Variants in COL13A1 observed in about 807,000 individuals in gnomAD.
COL13A1 encodes the protein collagen alpha-1(XIII) chain.
In COL13A1, 89 loss-of-function variants were observed where a neutral mutation model predicts 130.9. The ratio of observed to expected loss-of-function variants is 0.68; its 90% CI spans 0.57 to 0.81. The LOEUF is 0.81. Among genes scored for constraint, COL13A1 ranks in the 30% least tolerant of loss-of-function variants. The pLI is 0.00. For missense variants in COL13A1, 879 were observed against 934.6 expected (o/e 0.94, Z 0.78); for synonymous variants, 402 against 341.6 (o/e 1.18, Z -1.95).
intron 2 of COL13A1, among the ~76,000 whole-genome samples, chr10:69,837,807 GAGA>G (rs1202289260): frequency 1.4e-5 from 1 of 73,634 alleles, no homozygotes; most frequent in African/African-American, 4.1e-5. Context: ...AATAAACGCA[GAGA>G]AGAAGACAGA....
At chr10:69,897,543 C>T (rs1178746189) in intron 13 of COL13A1, 2 of 1,613,770 alleles carry the variant, frequency 1.2e-6, no homozygotes, top group Admixed American at 1.7e-5. Flanking sequence ...TTTGTAGGTT[C>T]TGGAAGGTCT....
chr10:69,833,655 A>G (rs1476376330), intron 2 of COL13A1, among the ~76,000 whole-genome samples: 1 of 152,250 alleles, frequency 6.6e-6, no homozygotes, highest in Non-Finnish European at 1.5e-5. Flanking sequence ...CCTGAATGGC[A>G]AGTAAGATTT....
In COL13A1 at chr10:69,880,135, G is replaced by A. The variant is rs180807724; in HGVS notation, c.463-368G>A. Among the ~76,000 whole-genome samples the A allele has an allele frequency of 1.4e-3, 217 of 152,076 alleles. 1 individual carries two copies. The highest frequency in any genetic ancestry group is 2.4e-3 in the Non-Finnish European group (162 of 67,978). ...CTCTCCCTGTGTCTCCCTGTTTCCC[G>A]CCACTCCAATGGATCCTGTTCTTCT... On this transcript the variant is annotated intron_variant, in intron 6 of 40. Transcript: ENST00000645393.
At chr10:69,925,096 G>A (rs1003158088) in intron 25 of COL13A1, 89 bp downstream of exon 25, 24 of 1,351,310 alleles carry the variant, frequency 1.8e-5, no homozygotes, top group Non-Finnish European at 2.3e-5. Context: ...ATATTTAGAA[G>A]TTTATTTTGC....
At chr10:69,881,724 C>T (rs914561268) in intron 7 of COL13A1, among the ~76,000 whole-genome samples, 5 of 152,298 alleles carry the variant, frequency 3.3e-5, no homozygotes, top group Non-Finnish European at 5.9e-5. Flanking sequence ...ATAATGACCA[C>T]GCTTAACACT....
At chr10:69,958,477 GACCAC>G (rs1321124369) in intron 40 of COL13A1, among the ~76,000 whole-genome samples, 1 of 152,166 alleles carries the variant, frequency 6.6e-6, no homozygotes, top group Non-Finnish European at 1.5e-5. Flanking sequence ...GCCCTCTAGT[GACCAC>G]AAAGGGGATT....
At chr10:69,951,752 G>A (rs556785186) in intron 38 of COL13A1, among the ~76,000 whole-genome samples, 2 of 152,256 alleles carry the variant, frequency 1.3e-5, no homozygotes, top group South Asian at 2.1e-4. Flanking sequence ...ACAAAGTCAC[G>A]CAGCTAACTG....
chr10:69,899,328 A>G (rs1399478572), intron 14 of COL13A1, among the ~76,000 whole-genome samples: 1 of 152,252 alleles, frequency 6.6e-6, no homozygotes, highest in African/African-American at 2.4e-5. Context: ...ACAGTTTAAG[A>G]GACATAATTG....
At chr10:69,875,418 T>C (rs899404913) in intron 5 of COL13A1, among the ~76,000 whole-genome samples, 1 of 152,170 alleles carries the variant, frequency 6.6e-6, no homozygotes, top group Non-Finnish European at 1.5e-5. Flanking sequence ...CTAATAAAGT[T>C]GCATGAACAA....
chr10:69,823,773 G>A (rs961542701), intron 2 of COL13A1, among the ~76,000 whole-genome samples: 3 of 152,160 alleles, frequency 2.0e-5, no homozygotes, highest in Admixed American at 6.5e-5. Context: ...TTAAAAGGGT[G>A]TCCAGAAGCC....
At chr10:69,888,270 G>A (rs1380323075) in intron 8 of COL13A1, 34 bp from the exon 9 acceptor site, 2 of 1,611,548 alleles carry the variant, frequency 1.2e-6, no homozygotes, top group South Asian at 2.2e-5. Flanking sequence ...GTCCTGTGAT[G>A]CTCAGTCTTT....
chr10:69,908,117 G>A (rs952032069), intron 17 of COL13A1, among the ~76,000 whole-genome samples: 1 of 152,158 alleles, frequency 6.6e-6, no homozygotes, highest in Non-Finnish European at 1.5e-5. Flanking sequence ...CTGGGAAGCT[G>A]CTAGAGCCTT....
At chr10:69,875,225 C>T (rs1017961674) in intron 5 of COL13A1, 62 bp downstream of exon 5, 1 of 1,601,988 alleles carries the variant, frequency 6.2e-7, no homozygotes, top group African/African-American at 1.3e-5. Flanking sequence ...GCTGGCCTGT[C>T]CTCTAAACCA....
chr10:69,835,839 C>T (rs893295561), intron 2 of COL13A1, among the ~76,000 whole-genome samples: 4 of 152,224 alleles, frequency 2.6e-5, no homozygotes, highest in Non-Finnish European at 5.9e-5. Context: ...ATGATAACAA[C>T]AACATCTATT....
intron 6 of COL13A1, among the ~76,000 whole-genome samples, chr10:69,878,553 C>CTCTCTGCAGGAGA (rs2059839829): frequency 6.6e-6 from 1 of 152,064 alleles, no homozygotes; most frequent in Non-Finnish European, 1.5e-5. Flanking sequence ...GAGATCTCGG[C>CTCTCTGCAGGAGA]TCACTGCAAC....
At chr10:69,808,059 T>C (rs982040323) in intron 1 of COL13A1, among the ~76,000 whole-genome samples, 8 of 152,348 alleles carry the variant, frequency 5.3e-5, no homozygotes, top group Middle Eastern at 3.4e-3. Flanking sequence ...GTTTTTTTAA[T>C]AACAGGTGCT....
chr10:69,889,555 G>T (rs2134613642), intron 10 of COL13A1, 115 bp downstream of exon 10: 47 of 1,315,450 alleles, frequency 3.6e-5, no homozygotes, highest in Non-Finnish European at 5.0e-5. Context: ...GGCTGTCCAT[G>T]CTGGTCACTC....
chr10:69,940,754 C>T (rs750043123), intron 34 of COL13A1, among the ~76,000 whole-genome samples: 1 of 152,192 alleles, frequency 6.6e-6, no homozygotes, highest in Non-Finnish European at 1.5e-5. Flanking sequence ...CGACCTCCAC[C>T]CAGCCTGCTC....
chr10:69,904,710 A>G (rs1221884179), intron 15 of COL13A1, among the ~76,000 whole-genome samples: 1 of 152,104 alleles, frequency 6.6e-6, no homozygotes, highest in African/African-American at 2.4e-5. Context: ...CGGCCCCCAC[A>G]TGGCTGCAAA....
Sources: gnomAD v4.1 joint callset for allele counts (sites outside exome capture counted in the v4.1 genomes callset) on GRCh38, gnomAD v4.1.1 for gene constraint, MANE v1.5 for transcripts, NCBI Gene and HGNC (gene_info 2026-07-23, HGNC 2026-07-21) for gene names.